CNTN5: variants seen among roughly 807,000 people sequenced by gnomAD.
CNTN5 encodes the protein contactin-5.
Under a neutral mutation model 129.1 loss-of-function variants are expected in CNTN5, and 77 were observed. The observed-to-expected ratio is 0.60, with a 90% CI of 0.50 to 0.72. The LOEUF (loss-of-function observed/expected upper bound fraction) is 0.72. Among genes scored for constraint, CNTN5 ranks in the 30% least tolerant of loss-of-function variants. The pLI is 0.00. For synonymous variants in CNTN5, 509 were observed against 465.6 expected (o/e 1.09, Z -1.20); for missense variants, 1,478 against 1,328.8 (o/e 1.11, Z -1.75).
chr11:99,621,181 C>A (rs1748877413), intron 3 of CNTN5, among the ~76,000 whole-genome samples: 1 of 151,988 alleles, frequency 6.6e-6, no homozygotes, highest in Non-Finnish European at 1.5e-5. Flanking sequence ...TCAGTCATGG[C>A]CAGTGATGAA....
chr11:99,957,922 T>G (rs926307343), intron 8 of CNTN5, among the ~76,000 whole-genome samples: 12 of 151,848 alleles, frequency 7.9e-5, no homozygotes, highest in Non-Finnish European at 4.4e-5. Context: ...TATGTGTATT[T>G]ATGTAAACAA....
chr11:99,970,454 C>T (rs549873741), intron 8 of CNTN5, among the ~76,000 whole-genome samples: 1 of 152,268 alleles, frequency 6.6e-6, no homozygotes, highest in South Asian at 2.1e-4. Context: ...TTATTATCTA[C>T]TTAATCTTAG....
At chr11:99,842,810 GTTAT>G (rs1161645599) in intron 4 of CNTN5, among the ~76,000 whole-genome samples, 1 of 151,990 alleles carries the variant, frequency 6.6e-6, no homozygotes, top group Non-Finnish European at 1.5e-5. Flanking sequence ...ATTTTCTCTA[GTTAT>G]TTATTAAATC....
At chr11:100,138,982 T>A (rs1211107649) in intron 13 of CNTN5, among the ~76,000 whole-genome samples, 1 of 152,116 alleles carries the variant, frequency 6.6e-6, no homozygotes. Context: ...AGTTTGAGTG[T>A]ATGGGAAAGA....
intron 1 of CNTN5, among the ~76,000 whole-genome samples, chr11:99,034,602 G>C (rs1050157244): frequency 2.0e-5 from 3 of 151,322 alleles, no homozygotes; most frequent in African/African-American, 7.3e-5. Flanking sequence ...ATTTCTGTGG[G>C]ATCGGTGGTG....
chr11:99,756,285 G>A (rs1376523600), intron 3 of CNTN5, among the ~76,000 whole-genome samples: 1 of 151,990 alleles, frequency 6.6e-6, no homozygotes, highest in Non-Finnish European at 1.5e-5. Flanking sequence ...TCAATTATGG[G>A]TTTCTTTAGT....
intron 3 of CNTN5, among the ~76,000 whole-genome samples, chr11:99,762,183 A>G (rs1318709379): frequency 1.8e-5 from 2 of 111,952 alleles, no homozygotes; most frequent in African/African-American, 6.5e-5. Flanking sequence ...TCAGATGAGT[A>G]GGTTGCGAAA....
At chr11:99,759,402 A>G (rs958024166) in intron 3 of CNTN5, among the ~76,000 whole-genome samples, 8 of 151,994 alleles carry the variant, frequency 5.3e-5, no homozygotes, top group Non-Finnish European at 1.2e-4. Flanking sequence ...AGACATTGCC[A>G]TTTATCTGCT....
intron 6 of CNTN5, among the ~76,000 whole-genome samples, chr11:99,863,110 T>G (rs559904493): frequency 6.6e-6 from 1 of 152,248 alleles, no homozygotes; most frequent in African/African-American, 2.4e-5. Context: ...GGCCTTCTGT[T>G]GTGTTAGAGA....
chr11:99,560,991 A>G (rs1386520012), intron 3 of CNTN5, among the ~76,000 whole-genome samples: 1 of 152,182 alleles, frequency 6.6e-6, no homozygotes, highest in African/African-American at 2.4e-5. Flanking sequence ...ATTAGAATCT[A>G]TGTGTCTGAG....
At chr11:99,831,908 C>G (rs997041707) in intron 4 of CNTN5, among the ~76,000 whole-genome samples, 17 of 152,130 alleles carry the variant, frequency 1.1e-4, no homozygotes, top group Admixed American at 4.6e-4. Context: ...TCTTCAGCAA[C>G]TTCTCGTGTA....
chr11:99,165,283 A>G (rs1860817612), intron 1 of CNTN5, among the ~76,000 whole-genome samples: 1 of 152,218 alleles, frequency 6.6e-6, no homozygotes, highest in Non-Finnish European at 1.5e-5. Flanking sequence ...AAACGATAAA[A>G]GAGTCATTCA....
intron 1 of CNTN5, among the ~76,000 whole-genome samples, chr11:99,284,944 T>C (rs1477125194): frequency 6.6e-6 from 1 of 152,154 alleles, no homozygotes; most frequent in African/African-American, 2.4e-5. Context: ...TTTTCATAAA[T>C]TCATCGTTAA....
At chr11:99,046,839 A>T (rs192815022) in intron 1 of CNTN5, among the ~76,000 whole-genome samples, 1 of 152,126 alleles carries the variant, frequency 6.6e-6, no homozygotes, top group Non-Finnish European at 1.5e-5. Context: ...GCCCATTGCT[A>T]TATTATAAAT....
chr11:99,044,654 G>A (rs1864134011), intron 1 of CNTN5, among the ~76,000 whole-genome samples: 1 of 152,128 alleles, frequency 6.6e-6, no homozygotes, highest in African/African-American at 2.4e-5. Flanking sequence ...ATATGTTCTA[G>A]AGCAGACTTG....
chr11:99,833,174 G>C (rs764421534), intron 4 of CNTN5, among the ~76,000 whole-genome samples: 1 of 152,120 alleles, frequency 6.6e-6, no homozygotes, highest in Non-Finnish European at 1.5e-5. Context: ...TGATATGAAG[G>C]AAGTTATAAA....
intron 9 of CNTN5, among the ~76,000 whole-genome samples, chr11:100,035,299 T>C (rs1941926132): frequency 6.8e-6 from 1 of 148,128 alleles, no homozygotes; most frequent in Non-Finnish European, 1.5e-5. Flanking sequence ...GGACATGAAC[T>C]CATCATTTTT....
At chr11:100,153,851 T>C (rs908373499) in intron 13 of CNTN5, among the ~76,000 whole-genome samples, 1 of 152,220 alleles carries the variant, frequency 6.6e-6, no homozygotes, top group South Asian at 2.1e-4. Context: ...TACCAGGCAG[T>C]AAAGTATTAT....
chr11:99,425,145 T>C (rs1943063249), intron 2 of CNTN5, among the ~76,000 whole-genome samples: 1 of 152,138 alleles, frequency 6.6e-6, no homozygotes, highest in Non-Finnish European at 1.5e-5. Context: ...CTGGGGTTTT[T>C]ATGAGCTCCT....
Sources: gnomAD v4.1 joint callset for allele counts (sites outside exome capture counted in the v4.1 genomes callset) on GRCh38, gnomAD v4.1.1 for gene constraint, MANE v1.5 for transcripts, NCBI Gene and HGNC (gene_info 2026-07-23, HGNC 2026-07-21) for gene names.